MCPH1: variants seen among roughly 807,000 people sequenced by gnomAD.
MCPH1 encodes microcephalin 1.
MCPH1 carries 104 observed loss-of-function variants against 84.5 expected under a neutral mutation model. The observed-to-expected ratio is 1.23, with a 90% CI of 1.05 to 1.45. MCPH1 has a LOEUF of 1.45. Among genes scored for constraint, MCPH1 ranks in the 40% most tolerant of loss-of-function variants. The pLI, the probability that MCPH1 is intolerant of heterozygous loss-of-function variation, is 0.00. For synonymous variants in MCPH1, 514 were observed against 366.8 expected (o/e 1.40, Z -4.58); for missense variants, 1,498 against 1,005.7 (o/e 1.49, Z -6.62).
intron 13 of MCPH1, among the ~76,000 whole-genome samples, chr8:6,629,280 T>C (rs562182191): frequency 1.2e-4 from 19 of 152,134 alleles, no homozygotes; most frequent in Non-Finnish European, 2.2e-4. Flanking sequence ...GTGTCCAACA[T>C]GGTGAAACCC....
chr8:6,563,863 T>TA (rs1417785292), intron 12 of MCPH1, among the ~76,000 whole-genome samples: 1 of 152,058 alleles, frequency 6.6e-6, no homozygotes, highest in East Asian at 1.9e-4. Flanking sequence ...CTTTATTCTT[T>TA]AAAAAAACTC....
At chr8:6,445,945 A>G (rs1804299349) in intron 8 of MCPH1, 3 of 985,134 alleles carry the variant, frequency 3.0e-6, no homozygotes, top group Non-Finnish European at 3.6e-6. Context: ...TAGTGAGGCT[A>G]TTTAAAGAAA....
At chr8:6,407,966 G>C (rs1026644993) in intron 1 of MCPH1, among the ~76,000 whole-genome samples, 8 of 152,166 alleles carry the variant, frequency 5.3e-5, no homozygotes, top group African/African-American at 1.9e-4. Flanking sequence ...AGGCCGGCCC[G>C]TTAATATATT....
intron 1 of MCPH1, among the ~76,000 whole-genome samples, chr8:6,407,476 A>T (rs1201725477): frequency 6.6e-6 from 1 of 152,136 alleles, no homozygotes; most frequent in Non-Finnish European, 1.5e-5. Flanking sequence ...TACCGCACGC[A>T]GTCCCACCCT....
intron 12 of MCPH1, among the ~76,000 whole-genome samples, chr8:6,574,019 C>A (rs754685332): frequency 6.6e-6 from 1 of 152,096 alleles, no homozygotes; most frequent in African/African-American, 2.4e-5. Context: ...TTACAATTTC[C>A]CAAGAATAAT....
At chr8:6,628,754 C>T (rs1232512305) in intron 13 of MCPH1, among the ~76,000 whole-genome samples, 1 of 152,220 alleles carries the variant, frequency 6.6e-6, no homozygotes, top group Non-Finnish European at 1.5e-5. Context: ...AAGTGTGTCA[C>T]AGCTGCCTTG....
At chr8:6,438,569 G>T (rs1803014894) in intron 5 of MCPH1, among the ~76,000 whole-genome samples, 1 of 152,172 alleles carries the variant, frequency 6.6e-6, no homozygotes, top group African/African-American at 2.4e-5. Flanking sequence ...ATGGTTCATG[G>T]GGGCAGTTTC....
intron 9 of MCPH1, among the ~76,000 whole-genome samples, chr8:6,468,933 A>T (rs1054273512): frequency 6.6e-6 from 1 of 152,202 alleles, no homozygotes; most frequent in African/African-American, 2.4e-5. Flanking sequence ...TCATGCTTGT[A>T]ATCCCAGCAA....
rs530478882 is a variant in MCPH1 at position 6,444,340 on chromosome 8, A to T, written c.671-53A>T. The T allele has an allele frequency of 3.1e-6, 5 of 1,607,614 alleles. No homozygotes were observed. In the African/African-American group the frequency reaches 6.7e-5, roughly 21 times the overall value. On this transcript the variant is annotated intron_variant, in intron 7 of 13. Coordinates refer to ENST00000344683, the MANE Select transcript of MCPH1 (RefSeq NM_024596.5). ...TTTATTGGTCAACTGAAAGTTGAAT[A>T]TAGAATAATTTAAACCACTTTTAAA...
intron 12 of MCPH1, chr8:6,520,132 T>A: frequency 2.2e-6 from 2 of 897,406 alleles, no homozygotes; most frequent in Non-Finnish European, 3.2e-6. Flanking sequence ...TTTTTAACCT[T>A]TCTAGAAAGT....
At position 6,645,307 on chromosome 8, in the gene MCPH1, C is replaced by T. The variant is rs1295057111; in HGVS notation, c.*2258C>T. On this transcript the variant is annotated 3_prime_UTR_variant, in exon 14 of 14. Coordinates refer to ENST00000344683, the MANE Select transcript of MCPH1 (RefSeq NM_024596.5). The stretch of plus-strand genomic sequence containing the variant: ...GAGGACTGACTGTTGCTAGACATTA[C>T]ACTAAGCACATTATATGTTGTACTT... The T allele has an allele frequency of 6.6e-6, 1 of 152,160 alleles. No individual in the cohort carries two copies. The highest frequency in any genetic ancestry group is 2.4e-5 in the African/African-American group (1 of 41,420). 9.4% of individuals were successfully genotyped at this position (152,160 alleles called of 1,614,324 possible). A position where few individuals can be genotyped will look rare whatever the true frequency, so the allele number is the denominator to read the frequency against.
At chr8:6,589,634 C>T (rs760264286) in intron 12 of MCPH1, among the ~76,000 whole-genome samples, 2 of 152,180 alleles carry the variant, frequency 1.3e-5, no homozygotes, top group African/African-American at 2.4e-5. Context: ...TCTTCCATCT[C>T]GATAGAATGT....
chr8:6,558,096 C>T (rs1340975608), intron 12 of MCPH1, among the ~76,000 whole-genome samples: 6 of 152,190 alleles, frequency 3.9e-5, no homozygotes, highest in Admixed American at 6.5e-5. Context: ...TACAGTCTTC[C>T]TTCCAACCTC....
intron 12 of MCPH1, among the ~76,000 whole-genome samples, chr8:6,569,890 C>T (rs1397960470): frequency 2.0e-5 from 3 of 152,192 alleles, no homozygotes; most frequent in Non-Finnish European, 4.4e-5. Context: ...TGAGCTGGAG[C>T]CACTGGGTCT....
chr8:6,513,016 A>G (rs1815484722), intron 12 of MCPH1, among the ~76,000 whole-genome samples: 2 of 152,246 alleles, frequency 1.3e-5, no homozygotes, highest in African/African-American at 2.4e-5. Flanking sequence ...CAGCACAGTC[A>G]CAAGTATCCA....
chr8:6,631,857 A>G (rs1224952225), intron 13 of MCPH1, among the ~76,000 whole-genome samples: 1 of 152,254 alleles, frequency 6.6e-6, no homozygotes, highest in Admixed American at 6.5e-5. Flanking sequence ...AAAAATTGAA[A>G]GCAGGATCTC....
intron 3 of MCPH1, among the ~76,000 whole-genome samples, chr8:6,423,850 G>T (rs1458725807): frequency 1.3e-5 from 2 of 152,170 alleles, no homozygotes; most frequent in Non-Finnish European, 2.9e-5. Flanking sequence ...CTTTGCTAAT[G>T]TTGTGAGTTA....
chr8:6,486,522 C>G (rs1036605268), intron 11 of MCPH1, among the ~76,000 whole-genome samples: 6 of 152,158 alleles, frequency 3.9e-5, no homozygotes, highest in African/African-American at 1.4e-4. Flanking sequence ...TGTGGCCCAG[C>G]TAGTCTTATC....
At position 6,444,674 on chromosome 8, in the gene MCPH1, G is replaced by T; in HGVS notation, c.952G>T (p.Ala318Ser). ...AGTAGTCACCCCTGACCAAAAGCAG[G>T]CTGCAGGTATGTCTCAGGAGACGTT... Reference protein sequence around the residue: ...GKVVTPDQKQAAGMSQETFEE... With the variant: ...GKVVTPDQKQSAGMSQETFEE... The change falls in exon 8 of 14, where the codon GCT becomes TCT. Residue 318 changes from alanine (A) to serine (S), a missense_variant. Transcript: ENST00000344683. 6.2e-7 allele frequency: 1 copy of T among 1,614,042 alleles called. No homozygotes were observed. Among genetic ancestry groups the T allele is most frequent in the Non-Finnish European group, 8.5e-7 (1 of 1,180,022 alleles).
Sources: gnomAD v4.1 joint callset for allele counts (sites outside exome capture counted in the v4.1 genomes callset) on GRCh38, gnomAD v4.1.1 for gene constraint, MANE v1.5 for transcripts, NCBI Gene and HGNC (gene_info 2026-07-23, HGNC 2026-07-21) for gene names.